Variants in SYTL2 observed in about 807,000 individuals in gnomAD.
SYTL2 encodes synaptotagmin like 2.
SYTL2 carries 165 observed loss-of-function variants against 198.7 expected under a neutral mutation model. That is an observed-to-expected ratio of 0.83 (90% CI 0.73 to 0.94). The LOEUF is 0.94. SYTL2 is among the 40% of genes least tolerant of loss of function. The probability of loss-of-function intolerance (pLI) is 0.00; values close to 1 mark genes in which losing one functional copy is unlikely to be tolerated. For missense variants in SYTL2, 2,835 were observed against 2,582.8 expected, an observed-to-expected ratio of 1.10 and a Z score of -2.12; for synonymous variants, 966 against 917.7, an observed-to-expected ratio of 1.05 and a Z score of -0.95.
chr11:85,821,654 G>A, the SYTL2 span, among the ~76,000 whole-genome samples: 8,612 of 152,306 alleles, frequency 0.057, 398 homozygotes, highest in East Asian at 0.12. Flanking sequence ...TAAGTATGTG[G>A]AACGGACTCA....
chr11:85,721,722 C>T (rs904712855), intron 8 of SYTL2, among the ~76,000 whole-genome samples: 13 of 152,100 alleles, frequency 8.5e-5, no homozygotes, highest in Non-Finnish European at 4.4e-5. Flanking sequence ...AATTTAAGAA[C>T]CACTTCTCTA....
chr11:85,836,572 C>G, the SYTL2 span, among the ~76,000 whole-genome samples: 2 of 152,066 alleles, frequency 1.3e-5, no homozygotes, highest in African/African-American at 4.8e-5. Context: ...CCCCAGGGCC[C>G]TCTGACAAAC....
the SYTL2 span, among the ~76,000 whole-genome samples, chr11:85,830,302 C>T: frequency 1.3e-5 from 2 of 152,274 alleles, no homozygotes; most frequent in East Asian, 3.9e-4. Context: ...TACCAAACAA[C>T]TGAGTTGACT....
At chr11:85,841,864 A>C in the SYTL2 span, among the ~76,000 whole-genome samples, 1 of 152,248 alleles carries the variant, frequency 6.6e-6, no homozygotes, top group African/African-American at 2.4e-5. Context: ...ATGTGAATTC[A>C]GATGTCACAA....
chr11:85,698,468 C>T (rs1257230777), intron 17 of SYTL2, among the ~76,000 whole-genome samples: 1 of 152,100 alleles, frequency 6.6e-6, no homozygotes, highest in African/African-American at 2.4e-5. Context: ...TAGTGGAAGA[C>T]ATTTAAAACA....
chr11:85,714,311 C>T, intron 12 of SYTL2, 102 bp downstream of exon 12: 1 of 926,712 alleles, frequency 1.1e-6, no homozygotes, highest in Non-Finnish European at 1.7e-6. Flanking sequence ...TCCTTCTGAC[C>T]TCTTTGATCT....
the SYTL2 span, chr11:85,853,100 G>A: frequency 6.2e-5 from 18 of 289,086 alleles, 1 homozygote; most frequent in South Asian, 1.3e-4. Context: ...GCCTCTGCCC[G>A]GCCGCCCCTT....
Position 85,757,704 on chromosome 11 carries a change from T to C in SYTL2, c.22A>G (p.Thr8Ala), listed in dbSNP as rs748402979. The C allele has an allele frequency of 1.9e-6, 3 of 1,613,370 alleles. No homozygotes were observed. The highest frequency in any genetic ancestry group is 1.7e-5 in the Admixed American group (1 of 60,020). Reference sequence around the variant, plus strand: ...ATGATGGCCTCTTGTTCCTCTTCAGTCAGGAAGCTTAAGTCAATCATTTTG... The same window carrying C: ...ATGATGGCCTCTTGTTCCTCTTCAGCCAGGAAGCTTAAGTCAATCATTTTG... MIDLSFL[T>A]EEEQEAIMKV... The change falls in exon 2 of 20, where the codon ACT becomes GCT. Residue 8 changes from threonine to alanine, a missense_variant. Thr to Ala is a moderately conservative substitution (Grantham distance 58). Transcript: ENST00000359152.
intron 11 of SYTL2, among the ~76,000 whole-genome samples, chr11:85,716,070 G>T (rs1243438293): frequency 6.6e-6 from 1 of 152,152 alleles, no homozygotes; most frequent in East Asian, 1.9e-4. Context: ...TTTACCCAGA[G>T]TTCAGCACAG....
intron 1 of SYTL2, among the ~76,000 whole-genome samples, chr11:85,795,081 T>C (rs1261879847): frequency 6.6e-6 from 1 of 152,182 alleles, no homozygotes; most frequent in African/African-American, 2.4e-5. Context: ...CTTAAAATTG[T>C]GTTATAAGGA....
At position 85,712,616 on chromosome 11, in the gene SYTL2, A is replaced by G. The variant is rs530630513; in HGVS notation, c.5626-1384T>C. Among the ~76,000 whole-genome samples the G allele has an allele frequency of 5.9e-5, 9 of 152,228 alleles. No homozygotes were observed. The South Asian group carries it at 1.9e-3, about 32-fold the overall frequency. On this transcript the variant is annotated intron_variant, in intron 12 of 19. Transcript: ENST00000359152. ...TTTGAACTCTCTTCTGTGTGGAGCTATGAGACAGCAGGTTAAAACTGAAGG... is the reference window on the plus strand; with the variant it reads ...TTTGAACTCTCTTCTGTGTGGAGCTGTGAGACAGCAGGTTAAAACTGAAGG...
chr11:85,783,092 T>C (rs1592015919), intron 1 of SYTL2, among the ~76,000 whole-genome samples: 1 of 152,246 alleles, frequency 6.6e-6, no homozygotes, highest in African/African-American at 2.4e-5. Flanking sequence ...TCCATTCTTA[T>C]GCTGCTAATA....
chr11:85,727,309 A>G lies in SYTL2; in HGVS notation c.2049T>C (p.Val683=). 6.5e-7 allele frequency: 1 copy of G among 1,535,738 alleles called. No individual in the cohort carries two copies. The highest frequency in any genetic ancestry group is 8.7e-7 in the Non-Finnish European group (1 of 1,146,826). Residue 683 remains valine, a synonymous_variant, in exon 8 of 20, where the codon GTT becomes GTC. Coordinates refer to ENST00000359152, the MANE Select transcript of SYTL2 (RefSeq NM_206927.4). ...TGCCAATATTATTAGTGTTGCATGG[A>G]ACTTGGTTTTCTGCATCAGATTCCT... ...VLKESDAENQ[V]PCNTNNIGNL... is the part of the protein sequence containing the mutation.
rs542583648 is a variant in SYTL2, at chr11:85,727,362, T to C, written c.1996A>G (p.Asn666Asp). 1.3e-6 allele frequency: 2 copies of C among 1,536,266 alleles called. No individual in the cohort carries two copies. The highest frequency in any genetic ancestry group is 1.4e-5 in the African/African-American group (1 of 73,154). The change falls in exon 8 of 20, where the codon AAT becomes GAT. Residue 666 changes from asparagine (N) to aspartate (D), a missense_variant. Transcript: ENST00000359152. ...AGAACACTGTAGGAATAGTTACTAT[T>C]TGAAGGAGATGCCCCATTCCCTTTT... ...PGKGNGASPSNSNYSYSVLKE... is the reference protein window; with the variant it reads ...PGKGNGASPSDSNYSYSVLKE...
chr11:85,725,742 G>C lies in SYTL2; in HGVS notation c.3616C>G (p.Arg1206Gly), dbSNP rs140804321. 2.5e-6 allele frequency: 4 copies of C among 1,613,960 alleles called. No homozygotes were observed. In the African/African-American group the frequency reaches 5.3e-5, roughly 22 times the overall value. The change falls in exon 8 of 20, where the codon CGG becomes GGG. Residue 1206 changes from arginine to glycine, a missense_variant. Around this residue, in one of 3 missense-constraint regions of SYTL2, gnomAD observed 2,645 missense variants for 2,381.7 expected, o/e 1.11. Coordinates refer to ENST00000359152, the MANE Select transcript of SYTL2 (RefSeq NM_206927.4). ...TCTAGACTAGCAGTCAAAGAGTTCC[G>C]TTTAACCTTTGGATGAACTACTGTT... ...DKTVVHPKVK[R>G]NSLTASLDKL... is the part of the protein sequence containing the mutation.
chr11:85,719,057 T>G, intron 9 of SYTL2: 1 of 1,513,714 alleles, frequency 6.6e-7, no homozygotes, highest in South Asian at 1.2e-5. Flanking sequence ...CGGATGCAGC[T>G]CACATCACTG....
At chr11:85,838,486 C>T in the SYTL2 span, among the ~76,000 whole-genome samples, 33 of 152,248 alleles carry the variant, frequency 2.2e-4, 1 homozygote, top group African/African-American at 6.3e-4. Flanking sequence ...GCAGGCCTTA[C>T]AGGAATCATG....
chr11:85,700,565 T>G lies in SYTL2; in HGVS notation c.6218A>C (p.Asn2073Thr). ...KTAPVALEAE[N>T]RGEMKLALQY... ...GAGAGCTAGTTTCATTTCACCTCTGTTTTCTGCTTCAAGGGCAACTGGTGC... is the reference window on the plus strand; with the variant it reads ...GAGAGCTAGTTTCATTTCACCTCTGGTTTCTGCTTCAAGGGCAACTGGTGC... Residue 2073 changes from asparagine (N) to threonine (T), a missense_variant, in exon 17 of 20, where the codon AAC (asparagine) becomes ACC (threonine). By Grantham distance (65) the Asn-to-Thr change is moderately conservative. Transcript: ENST00000359152. The G allele has an allele frequency of 6.2e-7, 1 of 1,613,988 alleles. No individual in the cohort carries two copies. Among genetic ancestry groups the G allele is most frequent in the South Asian group, 1.1e-5 (1 of 91,076 alleles).
intron 15 of SYTL2, 50 bp from the exon 16 acceptor site, chr11:85,705,078 A>G (rs374085070): frequency 1.7e-5 from 25 of 1,452,178 alleles, no homozygotes; most frequent in Non-Finnish European, 2.2e-5. Flanking sequence ...ACTTGATGCC[A>G]AAGTTATAAC....
Sources: gnomAD v4.1 joint callset for allele counts (sites outside exome capture counted in the v4.1 genomes callset) on GRCh38, gnomAD v4.1.1 for gene constraint, gnomAD v4.1.1 regional missense constraint, MANE v1.5 for transcripts, NCBI Gene and HGNC (gene_info 2026-07-23, HGNC 2026-07-21) for gene names.